The following ZNF596 variants were observed in gnomAD, a reference collection of about 807,000 sequenced individuals.
ZNF596 encodes zinc finger protein 596.
In ZNF596, 45 loss-of-function variants were observed where a neutral mutation model predicts 48.3. The observed-to-expected ratio is 0.93, with a 90% CI of 0.73 to 1.19. The LOEUF is 1.19. ZNF596 is among the 50% of genes most tolerant of loss of function. The probability of loss-of-function intolerance (pLI) is 0.00; values close to 1 mark genes in which losing one functional copy is unlikely to be tolerated. For missense variants in ZNF596, 848 were observed against 599.7 expected (o/e 1.41, Z -4.32); for synonymous variants, 270 against 202.0 (o/e 1.34, Z -2.85).
At chr8:243,641 AG>A in intron 3 of ZNF596, 80 bp from the exon 4 acceptor site, 1 of 1,402,032 alleles carries the variant, frequency 7.1e-7, no homozygotes. Flanking sequence ...TATCCTTCCC[AG>A]TAGGCTGCCC....
rs746562692 is a variant in ZNF596, at chr8:245,966, T to C, written c.1119T>C (p.Thr373=). The change falls in exon 6 of 6, where the codon ACT becomes ACC. Residue 373 remains threonine (T), a synonymous_variant. Transcript: ENST00000398612. ...HGCHLCGKAF[T]ESSVLKRHER... ...GTCATCTATGTGGGAAAGCATTCAC[T>C]GAATCTTCTGTGCTTAAACGACATG... 6.2e-7 allele frequency: 1 copy of C among 1,614,052 alleles called. No individual in the cohort carries two copies. The highest frequency in any genetic ancestry group is 8.5e-7 in the Non-Finnish European group (1 of 1,180,010).
At chr8:236,859 G>T (rs1339630494) in intron 1 of ZNF596, among the ~76,000 whole-genome samples, 1 of 152,188 alleles carries the variant, frequency 6.6e-6, no homozygotes, top group Non-Finnish European at 1.5e-5. Context: ...AAGGAAAATT[G>T]TTGGTTAAAT....
chr8:242,121 A>G (rs1308896843), intron 2 of ZNF596, among the ~76,000 whole-genome samples: 1 of 152,214 alleles, frequency 6.6e-6, no homozygotes, highest in African/African-American at 2.4e-5. Flanking sequence ...AAGATCCCAC[A>G]TAAAATTGAG....
chr8:244,270 C>G (rs555846368), intron 4 of ZNF596: 2 of 265,992 alleles, frequency 7.5e-6, no homozygotes, highest in African/African-American at 4.6e-5. Context: ...TGTCATTATA[C>G]TTTGTAGGTA....
chr8:238,946 A>C (rs184361146), intron 1 of ZNF596, among the ~76,000 whole-genome samples: 77 of 152,264 alleles, frequency 5.1e-4, no homozygotes, highest in African/African-American at 1.6e-3. Flanking sequence ...CAACATGAGA[A>C]TATCAACAAA....
chr8:234,496 T>G (rs1796546433), intron 1 of ZNF596: 1 of 152,170 alleles, frequency 6.6e-6, no homozygotes, highest in African/African-American at 2.4e-5. Flanking sequence ...TGAAATGCAT[T>G]TTCCTAATAC....
At position 242,830 on chromosome 8, in the gene ZNF596, C is replaced by A. The variant is rs577377906; in HGVS notation, c.13-57C>A. ...TTAGTACAGTCACTTTGATCTTGCT[C>A]CACTGAACATTGGCAGAGATAGCCC... On this transcript the variant is annotated intron_variant, in intron 2 of 5. Transcript: ENST00000398612. The A allele has an allele frequency of 2.8e-6, 4 of 1,406,088 alleles. No homozygotes were observed. The African/African-American group carries it at 5.8e-5, about 20-fold the overall frequency. The allele number at this position is 1,406,088 out of a possible 1,614,324, so 87.1% of individuals were successfully genotyped here.
At position 240,865 on chromosome 8, in the gene ZNF596, G is replaced by A; in HGVS notation, c.-31G>A. The A allele has an allele frequency of 1.9e-6, 3 of 1,613,968 alleles. No homozygotes were observed. Among genetic ancestry groups the A allele is most frequent in the Middle Eastern group, 1.6e-4 (1 of 6,062 alleles). On this transcript the variant is annotated 5_prime_UTR_variant, in exon 2 of 6. Coordinates refer to ENST00000398612, the MANE Select transcript of ZNF596 (RefSeq NM_001042416.3). ...CTTGGATGGTGTGAGTGAAAACCCA[G>A]AGGAATACATTTGGTGGCTGAGCTA...
chr8:238,243 T>C (rs1051100262), intron 1 of ZNF596, among the ~76,000 whole-genome samples: 2 of 152,104 alleles, frequency 1.3e-5, no homozygotes, highest in Non-Finnish European at 2.9e-5. Flanking sequence ...GTGGCCCCCA[T>C]GGTTCTGTGA....
chr8:243,964 T>G (rs563959410), intron 4 of ZNF596, 159 bp downstream of exon 4: 2 of 500,716 alleles, frequency 4.0e-6, no homozygotes, highest in Non-Finnish European at 7.1e-6. Flanking sequence ...CTCGGCTCAC[T>G]GCAACCTCTG....
Position 246,212 on chromosome 8 carries a change from C to G in ZNF596, c.1365C>G (p.Ala455=). The G allele has an allele frequency of 6.2e-7, 1 of 1,614,022 alleles. No individual in the cohort carries two copies. Among genetic ancestry groups the G allele is most frequent in the African/African-American group, 1.3e-5 (1 of 75,000 alleles). ...KPYECNICGK[A]FNRSYNFRLH... is the part of the protein sequence containing the mutation. The stretch of plus-strand genomic sequence containing the variant: ...ATGAATGCAATATATGTGGTAAAGC[C>G]TTCAATAGAAGTTACAACTTTAGAC... The change falls in exon 6 of 6, where the codon GCC becomes GCG. Residue 455 remains alanine (A), a synonymous_variant. Transcript: ENST00000398612.
At chr8:242,299 A>T (rs990824840) in intron 2 of ZNF596, among the ~76,000 whole-genome samples, 1 of 147,512 alleles carries the variant, frequency 6.8e-6, no homozygotes, top group African/African-American at 2.7e-5. Context: ...CAAGTTCTAT[A>T]TGAAAGTTGT....
Position 247,222 on chromosome 8 carries a change from A to G in ZNF596, c.*860A>G, listed in dbSNP as rs1208307947. 1 of 152,228 alleles carries G rather than the reference A, an allele frequency of 6.6e-6. No homozygotes were observed. The allele number at this position is 152,228 out of a possible 1,614,324, so 9.4% of individuals were successfully genotyped here. ...CTTGAGAAAAAAATTATAATTTTGA[A>G]TAAAGACTTTCTACTTAAAATATGT... On this transcript the variant is annotated 3_prime_UTR_variant, in exon 6 of 6. Transcript: ENST00000398612.
upstream of ZNF596, chr8:232,227 C>T (rs1796425329): frequency 6.3e-6 from 1 of 159,400 alleles, no homozygotes; most frequent in Non-Finnish European, 1.5e-5. Flanking sequence ...GGCGGAGACA[C>T]TGGCAGGGCC....
Position 246,157 on chromosome 8 carries a change from A to C in ZNF596, c.1310A>C (p.His437Pro), listed in dbSNP as rs757239263. 6.2e-7 allele frequency: 1 copy of C among 1,613,950 alleles called. No individual in the cohort carries two copies. The highest frequency in any genetic ancestry group is 8.5e-7 in the Non-Finnish European group (1 of 1,179,818). Residue 437 changes from histidine (H) to proline (P), a missense_variant, in exon 6 of 6, where the codon CAT (histidine) becomes CCT (proline). Physicochemically the swap from His to Pro is moderately conservative, Grantham distance 77. Transcript: ENST00000398612. ...AATCACTCTTCTGTCCTTAGACGAC[A>C]TGAGAGAACTCACACTGGAGAGAAA... ...AFNHSSVLRR[H>P]ERTHTGEKPY...
chr8:243,872 A>C, intron 4 of ZNF596, 67 bp downstream of exon 4: 2 of 1,329,056 alleles, frequency 1.5e-6, no homozygotes, highest in Non-Finnish European at 2.1e-6. Context: ...AGTAGGACCC[A>C]ACAGTTGCCA....
rs571029864 is a variant in ZNF596, at chr8:245,624, C to G, written c.777C>G (p.Ala259=). The G allele has an allele frequency of 6.2e-7, 1 of 1,612,730 alleles. No homozygotes were observed. Among genetic ancestry groups the G allele is most frequent in the Admixed American group, 1.7e-5 (1 of 59,882 alleles). ...KPYGCHLCGK[A]FSKSSNLRRH... ...ATGGATGTCATCTATGTGGGAAAGC[C>G]TTCAGTAAAAGTTCTAACCTTAGAC... The change falls in exon 6 of 6, where the codon GCC becomes GCG. Residue 259 remains alanine (A), a synonymous_variant. Coordinates refer to ENST00000398612, the MANE Select transcript of ZNF596 (RefSeq NM_001042416.3).
In ZNF596 at chr8:245,503, G is replaced by C. The variant is rs1797033177; in HGVS notation, c.656G>C (p.Gly219Ala). The C allele has an allele frequency of 6.2e-7, 1 of 1,614,162 alleles. No individual in the cohort carries two copies. Among genetic ancestry groups the C allele is most frequent in the Non-Finnish European group, 8.5e-7 (1 of 1,180,012 alleles). ...NLRRHEMIHTGEKPHGCHLCG... is the reference protein window; with the variant it reads ...NLRRHEMIHTAEKPHGCHLCG... ...AGGCGACATGAGATGATTCACACTG[G>C]AGAGAAACCACACGGATGTCATCTA... The change falls in exon 6 of 6, where the codon GGA becomes GCA. Residue 219 changes from glycine to alanine, a missense_variant. Physicochemically the swap from Gly to Ala is moderately conservative, Grantham distance 60 (BLOSUM62 0). Transcript: ENST00000398612.
intron 1 of ZNF596, chr8:237,681 T>C (rs1295588790): frequency 6.6e-6 from 1 of 152,270 alleles, no homozygotes; most frequent in East Asian, 1.9e-4. Flanking sequence ...TAGCAGTTTC[T>C]CTTTGAATTT....
Sources: allele counts gnomAD v4.1 joint callset (sites outside exome capture counted in the v4.1 genomes callset), GRCh38; gene constraint gnomAD v4.1.1; transcripts MANE v1.5; gene names NCBI Gene and HGNC (gene_info 2026-07-23, HGNC 2026-07-21).